Variants in SYNDIG1 observed in about 807,000 individuals in gnomAD.
SYNDIG1 encodes the protein synapse differentiation inducing 1.
A neutral mutation model predicts 19.4 loss-of-function variants in SYNDIG1; 9 were observed. That is an observed-to-expected ratio of 0.46 (90% CI 0.28 to 0.81). The LOEUF (loss-of-function observed/expected upper bound fraction) is 0.81, where lower values mean the gene tolerates loss of function less well. Ranked by LOEUF, SYNDIG1 falls within the 30% of genes least tolerant of loss-of-function variation. The pLI is 0.12. For synonymous variants in SYNDIG1, 141 were observed against 145.9 expected (o/e 0.97, Z 0.24); for missense variants, 311 against 343.3 (o/e 0.91, Z 0.74).
intron 3 of SYNDIG1, among the ~76,000 whole-genome samples, chr20:24,662,857 A>T (rs2059616235): frequency 6.6e-6 from 1 of 152,228 alleles, no homozygotes; most frequent in Non-Finnish European, 1.5e-5. Flanking sequence ...GCACCTACAC[A>T]CAAAGCCTTG....
intron 3 of SYNDIG1, among the ~76,000 whole-genome samples, chr20:24,656,340 C>T (rs1414375138): frequency 3.9e-5 from 6 of 152,220 alleles, no homozygotes; most frequent in African/African-American, 1.4e-4. Context: ...TGACAGTTGT[C>T]AGTCCCACTG....
chr20:24,500,184 A>T (rs768587472), intron 1 of SYNDIG1, among the ~76,000 whole-genome samples: 2 of 152,090 alleles, frequency 1.3e-5, no homozygotes, highest in Non-Finnish European at 2.9e-5. Flanking sequence ...GGTGATGGTG[A>T]TGTTTGATTT....
chr20:24,514,696 G>T (rs1033266352), intron 1 of SYNDIG1, among the ~76,000 whole-genome samples: 3 of 152,174 alleles, frequency 2.0e-5, no homozygotes, highest in African/African-American at 7.2e-5. Flanking sequence ...ACACTCCACT[G>T]TCAACATTAG....
At chr20:24,543,885 G>A (rs2057521488) in intron 2 of SYNDIG1, among the ~76,000 whole-genome samples, 1 of 152,176 alleles carries the variant, frequency 6.6e-6, no homozygotes, top group Admixed American at 6.5e-5. Context: ...CGCATCCCAT[G>A]AGACAGAGAG....
At chr20:24,485,282 T>G (rs543052114) in intron 1 of SYNDIG1, among the ~76,000 whole-genome samples, 63 of 152,372 alleles carry the variant, frequency 4.1e-4, no homozygotes, top group Non-Finnish European at 6.5e-4. Flanking sequence ...GTGTGTCATA[T>G]TGTTCTTTAA....
intron 1 of SYNDIG1, among the ~76,000 whole-genome samples, chr20:24,517,959 A>G (rs967033871): frequency 6.6e-6 from 1 of 151,158 alleles, no homozygotes; most frequent in Non-Finnish European, 1.5e-5. Flanking sequence ...GCGCCCGCCA[A>G]CACACCCGGC....
intron 1 of SYNDIG1, among the ~76,000 whole-genome samples, chr20:24,536,471 C>T (rs2057363974): frequency 6.6e-6 from 1 of 152,184 alleles, no homozygotes; most frequent in Non-Finnish European, 1.5e-5. Flanking sequence ...CTTCAAGGCA[C>T]TAAGAAGCGC....
intron 1 of SYNDIG1, among the ~76,000 whole-genome samples, chr20:24,505,752 G>C (rs113792008): frequency 0.013 from 1,929 of 152,306 alleles, 17 homozygotes; most frequent in Non-Finnish European, 0.02. Flanking sequence ...ACTTATTTTA[G>C]AAGATCAGAA....
At chr20:24,559,742 G>A (rs1416730344) in intron 2 of SYNDIG1, among the ~76,000 whole-genome samples, 1 of 152,070 alleles carries the variant, frequency 6.6e-6, no homozygotes, top group Non-Finnish European at 1.5e-5. Context: ...TTGTTTTGTT[G>A]GATATCGAAT....
chr20:24,659,026 C>T (rs1486440597), intron 3 of SYNDIG1, among the ~76,000 whole-genome samples: 1 of 152,046 alleles, frequency 6.6e-6, no homozygotes, highest in Non-Finnish European at 1.5e-5. Flanking sequence ...GTCTCCAACT[C>T]CTCTCACCCC....
At chr20:24,536,018 A>G (rs950043132) in intron 1 of SYNDIG1, among the ~76,000 whole-genome samples, 12 of 152,152 alleles carry the variant, frequency 7.9e-5, no homozygotes, top group African/African-American at 2.9e-4. Flanking sequence ...GCAAAACATC[A>G]CTCAGTTATT....
intron 3 of SYNDIG1, among the ~76,000 whole-genome samples, chr20:24,644,457 T>C (rs2059405735): frequency 6.6e-6 from 1 of 152,232 alleles, no homozygotes; most frequent in Non-Finnish European, 1.5e-5. Context: ...CTTAGTGCCT[T>C]GCTTGTTACA....
intron 1 of SYNDIG1, among the ~76,000 whole-genome samples, chr20:24,479,084 G>A (rs1017378648): frequency 2.0e-5 from 3 of 152,186 alleles, no homozygotes. Context: ...TATATATTTG[G>A]TGAGTTGGGC....
At chr20:24,524,804 C>T (rs972638704) in intron 1 of SYNDIG1, among the ~76,000 whole-genome samples, 2 of 152,122 alleles carry the variant, frequency 1.3e-5, no homozygotes, top group African/African-American at 4.8e-5. Context: ...AGCAGGCTCC[C>T]TGGCTCTCTC....
intron 3 of SYNDIG1, among the ~76,000 whole-genome samples, chr20:24,657,273 T>C (rs772477989): frequency 7.9e-5 from 12 of 152,212 alleles, no homozygotes; most frequent in Non-Finnish European, 1.6e-4. Flanking sequence ...GCAGCCGCAG[T>C]TCCCGTGTAT....
chr20:24,595,949 G>C (rs2058588221), intron 3 of SYNDIG1, among the ~76,000 whole-genome samples: 1 of 152,054 alleles, frequency 6.6e-6, no homozygotes, highest in Non-Finnish European at 1.5e-5. Flanking sequence ...TCACTCCTCA[G>C]TTTTCTTCAG....
chr20:24,556,861 A>T (rs975149068), intron 2 of SYNDIG1, among the ~76,000 whole-genome samples: 1 of 152,140 alleles, frequency 6.6e-6, no homozygotes, highest in Admixed American at 6.5e-5. Flanking sequence ...CTGCCTTGCT[A>T]GATTGGGGAA....
chr20:24,512,508 C>G (rs1043428890), intron 1 of SYNDIG1, among the ~76,000 whole-genome samples: 1 of 151,974 alleles, frequency 6.6e-6, no homozygotes, highest in Admixed American at 6.6e-5. Flanking sequence ...TGCCTGGCTC[C>G]GAGGGTCCCA....
In SYNDIG1 at chr20:24,472,760, C is replaced by T. The variant is rs144591294; in HGVS notation, c.-79+3007C>T. 2.7e-3 allele frequency among the ~76,000 whole-genome samples: 412 copies of T among 152,312 alleles called. 1 individual carries two copies. The highest frequency in any genetic ancestry group is 9.6e-3 in the African/African-American group (400 of 41,562). ...GTGGGAGGGGAGGCCCTCCCTCCAC[C>T]AGCCCCCTCCCATTCTGCACACCTC... On this transcript the variant is annotated intron_variant, in intron 1 of 3. Transcript: ENST00000376862.
Sources: allele counts gnomAD v4.1 joint callset (sites outside exome capture counted in the v4.1 genomes callset), GRCh38; gene constraint gnomAD v4.1.1; transcripts MANE v1.5; gene names NCBI Gene and HGNC (gene_info 2026-07-23, HGNC 2026-07-21).